Variants in LGI4 observed in about 807,000 individuals in gnomAD.
The protein encoded by LGI4 is leucine rich repeat LGI family member 4, also known as leucine-rich repeat LGI family member 4.
LGI4 carries 36 observed loss-of-function variants against 48.3 expected under a neutral mutation model. The observed-to-expected ratio is 0.75, with a 90% CI of 0.57 to 0.98. LGI4 has a LOEUF of 0.98. Among genes scored for constraint, LGI4 ranks in the 50% least tolerant of loss-of-function variants. LGI4 has a pLI of 0.00. For synonymous variants in LGI4, 355 were observed against 331.6 expected, an observed-to-expected ratio of 1.07 and a Z score of -0.77; for missense variants, 701 against 732.1, an observed-to-expected ratio of 0.96 and a Z score of 0.49.
intron 1 of LGI4, 28 bp downstream of exon 1, chr19:35,134,483 T>C (rs1175787905): frequency 1.9e-6 from 3 of 1,562,578 alleles, no homozygotes; most frequent in African/African-American, 2.7e-5. Flanking sequence ...GTCCCCACCT[T>C]CGGGCATGCA....
intron 5 of LGI4, 40 bp downstream of exon 5, chr19:35,131,749 T>C (rs2065176883): frequency 2.7e-6 from 4 of 1,479,354 alleles, no homozygotes; most frequent in South Asian, 2.4e-5. Context: ...GACACAAACA[T>C]TCCCCAACCC....
intron 6 of LGI4, among the ~76,000 whole-genome samples, chr19:35,130,641 G>T (rs993570899): frequency 2.0e-4 from 30 of 152,200 alleles, no homozygotes; most frequent in African/African-American, 7.0e-4. Flanking sequence ...AGGCTGCAGT[G>T]AGCTATGATG....
chr19:35,125,134 G>C lies in LGI4; in HGVS notation c.*59C>G. On this transcript the variant is annotated 3_prime_UTR_variant, in exon 9 of 9. Coordinates refer to ENST00000310123, the MANE Select transcript of LGI4 (RefSeq NM_139284.3). Reference sequence around the variant, plus strand: ...CGGGCCATCACCCCAAGTAGGGCCAGGAGCCAGCCAAGGGGCCGTCCAGGG... The same window carrying C: ...CGGGCCATCACCCCAAGTAGGGCCACGAGCCAGCCAAGGGGCCGTCCAGGG... 2.8e-6 allele frequency: 4 copies of C among 1,443,224 alleles called. No homozygotes were observed. The highest frequency in any genetic ancestry group is 1.4e-5 in the African/African-American group (1 of 70,496). 89.4% of individuals were successfully genotyped at this position (1,443,224 alleles called of 1,614,324 possible). A position where few individuals can be genotyped will look rare whatever the true frequency, so the allele number is the denominator to read the frequency against.
In LGI4 at chr19:35,126,681, C is replaced by T. The variant is rs924320424; in HGVS notation, c.888G>A (p.Arg296=). ...GGGCCAGGCGCAGGCCGGGACTGGG[C>T]CGGGCCCACAGCTGTGAGCCCCCCC... is the stretch of plus-strand genomic sequence containing the variant. ...RLWGGSQLWA[R]PSPGLRLAPT... The change falls in exon 8 of 9, where the codon CGG becomes CGA. Residue 296 remains arginine, a synonymous_variant. Coordinates refer to ENST00000310123, the MANE Select transcript of LGI4 (RefSeq NM_139284.3). The T allele has an allele frequency of 6.5e-7, 1 of 1,535,712 alleles. No homozygotes were observed. Among genetic ancestry groups the T allele is most frequent in the Admixed American group, 2.0e-5 (1 of 50,900 alleles).
In LGI4 at chr19:35,124,821, G is replaced by A. The variant is rs1176904252; in HGVS notation, c.*372C>T. 1.1e-5 allele frequency: 2 copies of A among 185,838 alleles called. No homozygotes were observed. Among genetic ancestry groups the A allele is most frequent in the Non-Finnish European group, 2.2e-5 (2 of 90,898 alleles). The allele number at this position is 185,838 out of a possible 1,614,324, so 11.5% of individuals were successfully genotyped here. ...CCTCGGTGCTTTCAGAGGGACCAGC[G>A]GGGTAGGAGCGGGTTGAGAGGGGGG... On this transcript the variant is annotated 3_prime_UTR_variant, in exon 9 of 9. Transcript: ENST00000310123.
Position 35,134,671 on chromosome 19 carries a change from C to T in LGI4, c.10G>A (p.Ala4Thr), listed in dbSNP as rs764355464. 1 of 1,381,352 alleles carries T rather than the reference C, an allele frequency of 7.2e-7. No homozygotes were observed. Among genetic ancestry groups the T allele is most frequent in the Non-Finnish European group, 9.8e-7 (1 of 1,017,366 alleles). 85.6% of individuals were successfully genotyped at this position (1,381,352 alleles called of 1,614,324 possible). Residue 4 changes from alanine to threonine, a missense_variant, in exon 1 of 9, where the codon GCA (alanine) becomes ACA (threonine). This residue lies in a region of LGI4 where 462 missense variants were observed against 436.4 expected (regional missense o/e 1.06). Coordinates refer to ENST00000310123, the MANE Select transcript of LGI4 (RefSeq NM_139284.3). MGG[A>T]GILLLLLAGA... is the part of the protein sequence containing the mutation. ...GCCAGCAGCAGCAGCAGAATGCCTG[C>T]CCCTCCCATGCCCCCACCCCCACTC...
At position 35,134,121 on chromosome 19, in the gene LGI4, T is replaced by C; in HGVS notation, c.171-17A>G. Reference sequence around the variant, plus strand: ...ACGAGTGAGCTGGGGATGTGGGCAGTGGTAGGTGAGAGGGACACCACAGCA... The same window carrying C: ...ACGAGTGAGCTGGGGATGTGGGCAGCGGTAGGTGAGAGGGACACCACAGCA... On this transcript the variant is annotated splice_polypyrimidine_tract_variant and intron_variant, in intron 1 of 8. Coordinates refer to ENST00000310123, the MANE Select transcript of LGI4 (RefSeq NM_139284.3). 3 of 1,558,314 alleles carry C rather than the reference T, an allele frequency of 1.9e-6. No individual in the cohort carries two copies. The highest frequency in any genetic ancestry group is 1.7e-6 in the Non-Finnish European group (2 of 1,150,594).
At chr19:35,125,933 C>A in intron 8 of LGI4, 1 of 527,178 alleles carries the variant, frequency 1.9e-6, no homozygotes. Context: ...GCACCTCACT[C>A]CAGAAACAGT....
At position 35,126,478 on chromosome 19, in the gene LGI4, T is replaced by G; in HGVS notation, c.1091A>C (p.Asp364Ala). The G allele has an allele frequency of 6.4e-7, 1 of 1,568,710 alleles. No individual in the cohort carries two copies. The highest frequency in any genetic ancestry group is 1.3e-5 in the African/African-American group (1 of 74,466). ...PHQSLHAWHR[D>A]TDAEALELDG... ...CAGCTCCAGGGCCTCAGCGTCCGTG[T>G]CCCGGTGCCAGGCGTGCAGGCTCTG... Residue 364 changes from aspartate to alanine, a missense_variant, in exon 8 of 9, where the codon GAC (aspartate) becomes GCC (alanine). Asp to Ala is a moderately radical substitution (Grantham distance 126). Coordinates refer to ENST00000310123, the MANE Select transcript of LGI4 (RefSeq NM_139284.3).
intron 6 of LGI4, among the ~76,000 whole-genome samples, chr19:35,128,573 G>A (rs967900389): frequency 6.6e-6 from 1 of 152,126 alleles, no homozygotes; most frequent in African/African-American, 2.4e-5. Flanking sequence ...TAGCAGGCAT[G>A]GTGGTGGTGC....
At chr19:35,134,376 C>G in intron 1 of LGI4, 135 bp downstream of exon 1, 1 of 947,388 alleles carries the variant, frequency 1.1e-6, no homozygotes, top group South Asian at 1.6e-5. Flanking sequence ...CAAGGCATCC[C>G]GACAGGCTTT....
At chr19:35,131,896 A>G (rs1322717787) in intron 4 of LGI4, 36 bp from the exon 5 acceptor site, 2 of 1,564,522 alleles carry the variant, frequency 1.3e-6, no homozygotes, top group East Asian at 4.7e-5. Flanking sequence ...CAGCAGCCAC[A>G]AGGATACCCT....
rs1410416665 is a variant in LGI4, at chr19:35,134,557, C to T, written c.124G>A (p.Gly42Ser). Reference protein sequence around the residue: ...SCSKDSALCEGSPDLPVSFSP... With the variant: ...SCSKDSALCESSPDLPVSFSP... The stretch of plus-strand genomic sequence containing the variant: ...AAGCTGACGGGCAGGTCCGGGGAGC[C>T]CTCACACAGGGCGCTGTCTTTAGAG... Residue 42 changes from glycine to serine, a missense_variant, in exon 1 of 9, where the codon GGC (glycine) becomes AGC (serine). By Grantham distance (56) the Gly-to-Ser change is moderately conservative (BLOSUM62 0). Transcript: ENST00000310123. 2 of 1,585,754 alleles carry T rather than the reference C, an allele frequency of 1.3e-6. No individual in the cohort carries two copies. Among genetic ancestry groups the T allele is most frequent in the Admixed American group, 3.7e-5 (2 of 54,542 alleles).
chr19:35,128,551 A>C (rs2065155060), intron 6 of LGI4, among the ~76,000 whole-genome samples: 1 of 152,074 alleles, frequency 6.6e-6, no homozygotes, highest in Admixed American at 6.5e-5. Flanking sequence ...CTCTACAAAA[A>C]ATACAAAAAA....
chr19:35,134,852 T>A lies in LGI4; in HGVS notation c.-172A>T, dbSNP rs540129224. On this transcript the variant is annotated 5_prime_UTR_variant, in exon 1 of 9. Transcript: ENST00000310123. ...TTCAGTCGGCCTTCCTCCCTGTTCG[T>A]ATGTCTTTGGTGTCTAATTTTCTGT... is the stretch of plus-strand genomic sequence containing the variant. 7.7e-5 allele frequency: 42 copies of A among 547,862 alleles called. No homozygotes were observed. The highest frequency in any genetic ancestry group is 4.8e-4 in the South Asian group (20 of 41,516). 33.9% of individuals were successfully genotyped at this position (547,862 alleles called of 1,614,324 possible).
chr19:35,129,770 C>T (rs1326207907), intron 6 of LGI4, among the ~76,000 whole-genome samples: 2 of 152,156 alleles, frequency 1.3e-5, no homozygotes, highest in African/African-American at 4.8e-5. Context: ...AGCCCGACAC[C>T]TGTAAAGGAT....
At chr19:35,129,098 T>G (rs551060569) in intron 6 of LGI4, among the ~76,000 whole-genome samples, 1 of 152,316 alleles carries the variant, frequency 6.6e-6, no homozygotes, top group African/African-American at 2.4e-5. Context: ...CTCCCAGGAC[T>G]GTAAGTCCCG....
chr19:35,130,250 T>A (rs1473646166), intron 6 of LGI4, among the ~76,000 whole-genome samples: 2 of 152,208 alleles, frequency 1.3e-5, no homozygotes, highest in Non-Finnish European at 2.9e-5. Flanking sequence ...CCACTTTTCT[T>A]CCTCTATACT....
chr19:35,131,950 TG>T lies in LGI4; in HGVS notation c.386+20del. The T allele has an allele frequency of 6.3e-7, 1 of 1,582,108 alleles. No individual in the cohort carries two copies. Among genetic ancestry groups the T allele is most frequent in the Non-Finnish European group, 8.6e-7 (1 of 1,163,450 alleles). On this transcript the variant is annotated intron_variant, in intron 4 of 8. Coordinates refer to ENST00000310123, the MANE Select transcript of LGI4 (RefSeq NM_139284.3). ...AGCATGGGTGCCTCTCATGGAGGGCTGGGGCGGTGGAGGCACGCACAGGTGT... is the reference window on the plus strand; with the variant it reads ...AGCATGGGTGCCTCTCATGGAGGGCTGGGCGGTGGAGGCACGCACAGGTGT...
Sources: allele counts gnomAD v4.1 joint callset (sites outside exome capture counted in the v4.1 genomes callset), GRCh38; gene constraint gnomAD v4.1.1; regional missense constraint gnomAD v4.1.1; transcripts MANE v1.5; gene names NCBI Gene and HGNC (gene_info 2026-07-23, HGNC 2026-07-21).